DLG2: variants seen among roughly 807,000 people sequenced by gnomAD.
DLG2 encodes disks large homolog 2.
In DLG2, 45 loss-of-function variants were observed where a neutral mutation model predicts 132.5. That is an observed-to-expected ratio of 0.34 (90% CI 0.27 to 0.44). The LOEUF (loss-of-function observed/expected upper bound fraction) is 0.44, where lower values mean the gene tolerates loss of function less well. Among genes scored for constraint, DLG2 ranks in the 20% least tolerant of loss-of-function variants. DLG2 has a pLI of 1.00. For missense variants in DLG2, 1,045 were observed against 1,196.9 expected (o/e 0.87, Z 1.87); for synonymous variants, 424 against 419.6 (o/e 1.01, Z -0.13).
chr11:84,267,058 A>C (rs1032976551), intron 7 of DLG2, among the ~76,000 whole-genome samples: 1 of 152,208 alleles, frequency 6.6e-6, no homozygotes, highest in African/African-American at 2.4e-5. Context: ...ACAAAGTCCC[A>C]TGACAGGCAT....
chr11:85,504,239 G>T (rs2093875014), intron 3 of DLG2, among the ~76,000 whole-genome samples: 1 of 152,014 alleles, frequency 6.6e-6, no homozygotes, highest in Non-Finnish European at 1.5e-5. Context: ...TGTCAATTTT[G>T]GCTTTTGTTG....
At chr11:85,589,573 G>A (rs768150005) in intron 3 of DLG2, among the ~76,000 whole-genome samples, 6 of 152,052 alleles carry the variant, frequency 3.9e-5, no homozygotes, top group East Asian at 3.9e-4. Flanking sequence ...GGTGGTTCTC[G>A]GGTTAAATTC....
intron 3 of DLG2, among the ~76,000 whole-genome samples, chr11:85,414,802 T>C (rs2089670732): frequency 1.3e-5 from 2 of 151,988 alleles, no homozygotes; most frequent in Admixed American, 6.6e-5. Flanking sequence ...TATATCTTTA[T>C]GATTGTGACA....
chr11:83,800,389 A>C (rs1336106753), intron 17 of DLG2, among the ~76,000 whole-genome samples: 1 of 152,218 alleles, frequency 6.6e-6, no homozygotes, highest in African/African-American at 2.4e-5. Context: ...TATGCATTAA[A>C]TTTTTCAAAT....
At chr11:85,228,610 C>T (rs1595545010) in intron 4 of DLG2, among the ~76,000 whole-genome samples, 1 of 152,048 alleles carries the variant, frequency 6.6e-6, no homozygotes, top group Admixed American at 6.6e-5. Flanking sequence ...GCATTTAAGC[C>T]TACTGTGTTT....
intron 7 of DLG2, among the ~76,000 whole-genome samples, chr11:84,483,259 C>T (rs1668918372): frequency 6.6e-6 from 1 of 151,744 alleles, no homozygotes; most frequent in Admixed American, 6.6e-5. Flanking sequence ...CTAGTGAAAC[C>T]CCGTCTCTAC....
rs183539451 is a variant in DLG2 at position 84,905,788 on chromosome 11, C to T, written c.357+205873G>A. Among the ~76,000 whole-genome samples, 142 of 152,270 alleles carry T rather than the reference C, an allele frequency of 9.3e-4. 2 individuals carry two copies. The highest frequency in any genetic ancestry group is 3.2e-3 in the African/African-American group (133 of 41,564). On this transcript the variant is annotated intron_variant, in intron 6 of 27. Coordinates refer to ENST00000376104, the MANE Select transcript of DLG2 (RefSeq NM_001142699.3). ...GTCTCTTAAACTTTACAGGTTTTTACTCCATCTCTTTCTTTTTCTTATTAT... is the reference window on the plus strand; with the variant it reads ...GTCTCTTAAACTTTACAGGTTTTTATTCCATCTCTTTCTTTTTCTTATTAT...
chr11:84,968,714 G>A (rs948354847), intron 6 of DLG2, among the ~76,000 whole-genome samples: 1 of 152,092 alleles, frequency 6.6e-6, no homozygotes, highest in African/African-American at 2.4e-5. Context: ...GTGCAAGTCA[G>A]CAAATTATTA....
chr11:84,596,338 G>A (rs1390496460), intron 6 of DLG2, among the ~76,000 whole-genome samples: 3 of 148,902 alleles, frequency 2.0e-5, no homozygotes, highest in Non-Finnish European at 4.5e-5. Flanking sequence ...CTCCTAAGTA[G>A]TTGGGATTAC....
intron 21 of DLG2, among the ~76,000 whole-genome samples, chr11:83,505,667 C>T (rs1207490898): frequency 1.3e-5 from 2 of 152,196 alleles, no homozygotes; most frequent in Non-Finnish European, 2.9e-5. Context: ...CTGGCTACAG[C>T]CCATGAATCA....
chr11:83,731,052 A>G (rs1230288778), intron 18 of DLG2, among the ~76,000 whole-genome samples: 1 of 152,230 alleles, frequency 6.6e-6, no homozygotes, highest in Non-Finnish European at 1.5e-5. Flanking sequence ...TAGTATACTC[A>G]TCGGCATTAA....
At chr11:85,442,712 AT>A (rs943394465) in intron 3 of DLG2, among the ~76,000 whole-genome samples, 21 of 152,140 alleles carry the variant, frequency 1.4e-4, no homozygotes, top group Non-Finnish European at 2.6e-4. Context: ...ATAAAAAAAA[AT>A]AAAAAATAAA....
At chr11:84,877,469 G>C (rs140206444) in intron 6 of DLG2, among the ~76,000 whole-genome samples, 5,925 of 143,438 alleles carry the variant, frequency 0.041, 184 homozygotes, top group African/African-American at 0.079. Context: ...GATATTTGTT[G>C]GTTTAAAGTC....
chr11:84,678,203 C>T (rs1443921519), intron 6 of DLG2, among the ~76,000 whole-genome samples: 2 of 152,070 alleles, frequency 1.3e-5, no homozygotes, highest in East Asian at 1.9e-4. Context: ...TTCTCTCAGA[C>T]TATGGACAAT....
At chr11:84,542,701 AG>A (rs1234694560) in intron 6 of DLG2, among the ~76,000 whole-genome samples, 2 of 152,336 alleles carry the variant, frequency 1.3e-5, no homozygotes, top group East Asian at 3.9e-4. Context: ...GGGATCCCTA[AG>A]GAAGAGGTAA....
intron 6 of DLG2, among the ~76,000 whole-genome samples, chr11:84,879,587 T>C (rs1477814877): frequency 1.3e-5 from 2 of 152,096 alleles, no homozygotes; most frequent in African/African-American, 4.8e-5. Flanking sequence ...ATTAGGAATG[T>C]ACAATATGGT....
rs1159295899 is a variant in DLG2, at chr11:84,656,867, C to G, written c.358-122136G>C. 2.6e-5 allele frequency among the ~76,000 whole-genome samples: 4 copies of G among 152,150 alleles called. No individual in the cohort carries two copies. In the East Asian group the frequency reaches 7.7e-4, roughly 29 times the overall value. On this transcript the variant is annotated intron_variant, in intron 6 of 27. Coordinates refer to ENST00000376104, the MANE Select transcript of DLG2 (RefSeq NM_001142699.3). ...AGTAGGTATTTGAACTATTTTAATT[C>G]TCTACCCCCCAACAAGTTTATATTT... is the stretch of plus-strand genomic sequence containing the variant.
rs2098813008 is a variant in DLG2, at chr11:84,396,929, C to A, written c.519+137641G>T. 5.3e-5 allele frequency among the ~76,000 whole-genome samples: 8 copies of A among 152,218 alleles called. No homozygotes were observed. In the South Asian group the frequency reaches 1.7e-3, roughly 32 times the overall value. On this transcript the variant is annotated intron_variant, in intron 7 of 27. Transcript: ENST00000376104. Reference sequence around the variant, plus strand: ...GCTTAAGGTTTGGGACCCAAAGGTCCTAAATTTAAGGGGGTGGAAAAGGTT... The same window carrying A: ...GCTTAAGGTTTGGGACCCAAAGGTCATAAATTTAAGGGGGTGGAAAAGGTT...
chr11:84,253,175 A>T (rs1210840834), intron 7 of DLG2, among the ~76,000 whole-genome samples: 1 of 152,148 alleles, frequency 6.6e-6, no homozygotes, highest in Non-Finnish European at 1.5e-5. Flanking sequence ...TCTCATTAAA[A>T]AAAAATAATA....
Sources: allele counts gnomAD v4.1 joint callset (sites outside exome capture counted in the v4.1 genomes callset), GRCh38; gene constraint gnomAD v4.1.1; transcripts MANE v1.5; gene names NCBI Gene and HGNC (gene_info 2026-07-23, HGNC 2026-07-21).